The following ACSS3 variants were observed in gnomAD, a reference collection of about 807,000 sequenced individuals.
ACSS3 encodes acyl-CoA synthetase short chain family member 3.
Under a neutral mutation model 84.2 loss-of-function variants are expected in ACSS3, and 64 were observed. The ratio of observed to expected loss-of-function variants is 0.76; its 90% confidence interval spans 0.62 to 0.94. The LOEUF (loss-of-function observed/expected upper bound fraction) is 0.94, where lower values mean the gene tolerates loss of function less well. Ranked by LOEUF, ACSS3 falls within the 40% of genes least tolerant of loss-of-function variation. The pLI is 0.00. For synonymous variants in ACSS3, 317 were observed against 310.1 expected, an observed-to-expected ratio of 1.02 and a Z score of -0.23; for missense variants, 815 against 867.6, an observed-to-expected ratio of 0.94 and a Z score of 0.76.
chr12:81,187,897 T>A (rs1008265363), intron 8 of ACSS3, among the ~76,000 whole-genome samples: 1 of 151,872 alleles, frequency 6.6e-6, no homozygotes, highest in Non-Finnish European at 1.5e-5. Context: ...CAGGTAAGCC[T>A]GAGGCTACAT....
chr12:81,078,463 C>A, intron 1 of ACSS3, 32 bp downstream of exon 1: 2 of 1,604,828 alleles, frequency 1.2e-6, no homozygotes, highest in Admixed American at 1.7e-5. Flanking sequence ...CCTGATCCCC[C>A]ATCCCTGGTA....
chr12:81,253,327 C>T lies in ACSS3; in HGVS notation c.1740C>T (p.Thr580=), dbSNP rs765765517. 1.7e-5 allele frequency: 27 copies of T among 1,613,678 alleles called. No individual in the cohort carries two copies. In the Admixed American group the frequency reaches 3.0e-4, roughly 18 times the overall value. The change falls in exon 14 of 16, where the codon ACC becomes ACT. Residue 580 remains threonine (T), a synonymous_variant. Transcript: ENST00000548058. Reference sequence around the variant, plus strand: ...TACAGTCAATCCTTTCCCATGGTACCGTGGCAGACTGTGCTGTTGTTGGCA... The same window carrying T: ...TACAGTCAATCCTTTCCCATGGTACTGTGGCAGACTGTGCTGTTGTTGGCA... ...AIEESILSHG[T]VADCAVVGKE...
chr12:81,254,760 C>A, intron 15 of ACSS3, 97 bp from the exon 16 acceptor site: 1 of 957,856 alleles, frequency 1.0e-6, no homozygotes, highest in South Asian at 1.9e-5. Context: ...TATTACAAGA[C>A]AATGGGGAAA....
chr12:81,165,059 T>C (rs1327840798), intron 7 of ACSS3, among the ~76,000 whole-genome samples: 1 of 152,220 alleles, frequency 6.6e-6, no homozygotes, highest in Admixed American at 6.5e-5. Context: ...CTATATAATT[T>C]GATCTTCCCA....
intron 13 of ACSS3, among the ~76,000 whole-genome samples, chr12:81,238,577 T>A (rs1275085271): frequency 6.6e-6 from 1 of 151,868 alleles, no homozygotes; most frequent in Non-Finnish European, 1.5e-5. Context: ...GTCAATTTCT[T>A]CCTGTGTAAC....
Position 81,093,870 on chromosome 12 carries a change from G to A in ACSS3, c.311+15439G>A, listed in dbSNP as rs111515612. ...ATCAAGAATCTATGTCTGTCAATCTGTTTGACTCCCTGGATCTCTATTTCT... is the reference window on the plus strand; with the variant it reads ...ATCAAGAATCTATGTCTGTCAATCTATTTGACTCCCTGGATCTCTATTTCT... On this transcript the variant is annotated intron_variant, in intron 1 of 15. Transcript: ENST00000548058. 5.2e-3 allele frequency among the ~76,000 whole-genome samples: 786 copies of A among 152,084 alleles called. 4 individuals are homozygous for A. Among genetic ancestry groups the A allele is most frequent in the African/African-American group, 0.014 (570 of 41,506 alleles).
intron 8 of ACSS3, among the ~76,000 whole-genome samples, chr12:81,198,489 C>T (rs558688039): frequency 2.8e-4 from 42 of 151,208 alleles, no homozygotes; most frequent in African/African-American, 9.9e-4. Context: ...TTTTGTTTGT[C>T]AACTGTTTGT....
At chr12:81,111,865 G>C (rs536774412) in intron 2 of ACSS3, among the ~76,000 whole-genome samples, 1 of 152,128 alleles carries the variant, frequency 6.6e-6, no homozygotes, top group Non-Finnish European at 1.5e-5. Flanking sequence ...TGCAAACAAG[G>C]GGAATTTCAG....
chr12:81,090,309 C>A (rs186118022), intron 1 of ACSS3, among the ~76,000 whole-genome samples: 1 of 152,114 alleles, frequency 6.6e-6, no homozygotes, highest in East Asian at 1.9e-4. Context: ...CAAAAATGCT[C>A]AATGCTCATC....
At chr12:81,224,576 G>A (rs1047238665) in intron 11 of ACSS3, among the ~76,000 whole-genome samples, 55 of 18,816 alleles carry the variant, frequency 2.9e-3, no homozygotes, top group Admixed American at 7.0e-3. Context: ...ACACACACAT[G>A]TGTGTGTGTG....
intron 1 of ACSS3, among the ~76,000 whole-genome samples, chr12:81,098,151 A>AGAGAGAGAGTGT (rs369995298): frequency 7.7e-6 from 1 of 129,272 alleles, no homozygotes; most frequent in African/African-American, 3.0e-5. Context: ...AGAGAGAGAG[A>AGAGAGAGAGTGT]GTGTGTGTGT....
Position 81,255,329 on chromosome 12 carries a change from C to A in ACSS3, c.*407C>A, listed in dbSNP as rs1565747832. The A allele has an allele frequency of 6.5e-6, 1 of 153,236 alleles. No homozygotes were observed. The highest frequency in any genetic ancestry group is 1.5e-5 in the Non-Finnish European group (1 of 68,936). 9.5% of individuals were successfully genotyped at this position (153,236 alleles called of 1,614,324 possible). A position where few individuals can be genotyped will look rare whatever the true frequency, so the allele number is the denominator to read the frequency against. On this transcript the variant is annotated 3_prime_UTR_variant, in exon 16 of 16. Transcript: ENST00000548058. ...AAGTCAGAAAATAATTAAAATTTTTCTTGTAGAAATTTTAGATATTTTCTA... is the reference window on the plus strand; with the variant it reads ...AAGTCAGAAAATAATTAAAATTTTTATTGTAGAAATTTTAGATATTTTCTA...
chr12:81,171,077 A>G (rs558334906), intron 7 of ACSS3, among the ~76,000 whole-genome samples: 17 of 152,188 alleles, frequency 1.1e-4, no homozygotes, highest in Non-Finnish European at 2.2e-4. Context: ...AGCTTGCAGC[A>G]TATATTATGC....
At chr12:81,079,870 G>C (rs1407666543) in intron 1 of ACSS3, among the ~76,000 whole-genome samples, 2 of 152,138 alleles carry the variant, frequency 1.3e-5, no homozygotes, top group Non-Finnish European at 2.9e-5. Flanking sequence ...ACTTAGTAAA[G>C]GATGAAGACT....
Position 81,257,536 on chromosome 12 carries a change from T to TGTTAA in ACSS3, c.*2619_*2623dup, listed in dbSNP as rs2034347137. On this transcript the variant is annotated 3_prime_UTR_variant, in exon 16 of 16. Coordinates refer to ENST00000548058, the MANE Select transcript of ACSS3 (RefSeq NM_024560.4). ...TTGGTATTTTCATAGGATTTCTTAC[T>TGTTAA]GTTAAGTTATTGGAAAATGAAAATA... is the stretch of plus-strand genomic sequence containing the variant. The TGTTAA allele has an allele frequency of 6.6e-6, 1 of 152,174 alleles. No homozygotes were observed. Among genetic ancestry groups the TGTTAA allele is most frequent in the Non-Finnish European group, 1.5e-5 (1 of 68,026 alleles). 9.4% of individuals were successfully genotyped at this position (152,174 alleles called of 1,614,324 possible).
chr12:81,234,724 A>G (rs2135976531), intron 13 of ACSS3, among the ~76,000 whole-genome samples: 1 of 151,458 alleles, frequency 6.6e-6, no homozygotes, highest in Non-Finnish European at 1.5e-5. Context: ...TAAAATCTTC[A>G]GCCCATTTTT....
chr12:81,250,431 A>C (rs2034115022), intron 13 of ACSS3, among the ~76,000 whole-genome samples: 1 of 152,100 alleles, frequency 6.6e-6, no homozygotes, highest in East Asian at 1.9e-4. Context: ...GGGAAACTGT[A>C]ATATTATATT....
intron 10 of ACSS3, among the ~76,000 whole-genome samples, chr12:81,217,521 G>A (rs1244406132): frequency 1.3e-5 from 2 of 152,076 alleles, no homozygotes; most frequent in Non-Finnish European, 2.9e-5. Flanking sequence ...TTAGGATTGA[G>A]GACAAAGTTT....
intron 2 of ACSS3, among the ~76,000 whole-genome samples, chr12:81,113,576 G>A (rs1883783827): frequency 6.6e-6 from 1 of 152,052 alleles, no homozygotes; most frequent in Non-Finnish European, 1.5e-5. Flanking sequence ...TTTGCAGAAT[G>A]GTGCCTTGCA....
Sources: gnomAD v4.1 joint callset for allele counts (sites outside exome capture counted in the v4.1 genomes callset) on GRCh38, gnomAD v4.1.1 for gene constraint, MANE v1.5 for transcripts, NCBI Gene and HGNC (gene_info 2026-07-23, HGNC 2026-07-21) for gene names.